The following ANK1 variants were observed in gnomAD, a reference collection of about 807,000 sequenced individuals.
ANK1 encodes the protein ankyrin 1.
In ANK1, 51 loss-of-function variants were observed where a neutral mutation model predicts 210.4. The ratio of observed to expected loss-of-function variants is 0.24; its 90% CI spans 0.19 to 0.31. ANK1 has a LOEUF of 0.31. ANK1 is among the 10% of genes least tolerant of loss of function. ANK1 has a pLI of 1.00. For synonymous variants in ANK1, 967 were observed against 1,025.9 expected (o/e 0.94, Z 1.10); for missense variants, 2,051 against 2,504.4 (o/e 0.82, Z 3.86).
chr8:41,785,948 C>T (rs562437742), intron 1 of ANK1, among the ~76,000 whole-genome samples: 25 of 152,328 alleles, frequency 1.6e-4, no homozygotes, highest in Middle Eastern at 3.4e-3. Context: ...CGGTACTCTC[C>T]GCCTGGGAAC....
At chr8:41,718,280 G>A in intron 10 of ANK1, 76 bp from the exon 11 acceptor site, 1 of 1,474,154 alleles carries the variant, frequency 6.8e-7, no homozygotes, top group Middle Eastern at 1.7e-4. Context: ...AGACCACCTG[G>A]CTGCTCTAAA....
At chr8:41,700,624 C>A (rs994586108) in intron 22 of ANK1, among the ~76,000 whole-genome samples, 3 of 152,194 alleles carry the variant, frequency 2.0e-5, no homozygotes, top group Non-Finnish European at 1.5e-5. Flanking sequence ...ATCCAGCCCA[C>A]CCCACTATTC....
intron 1 of ANK1, among the ~76,000 whole-genome samples, chr8:41,793,676 T>C (rs182797169): frequency 1.3e-5 from 2 of 152,330 alleles, no homozygotes; most frequent in Non-Finnish European, 2.9e-5. Flanking sequence ...CCGAGCTTTC[T>C]TGACAGCTCA....
intron 1 of ANK1, among the ~76,000 whole-genome samples, chr8:41,817,892 A>G (rs1803584438): frequency 6.6e-6 from 1 of 152,318 alleles, no homozygotes; most frequent in African/African-American, 2.4e-5. Flanking sequence ...ACTCCCAAAG[A>G]CAGCCACGGA....
chr8:41,772,655 A>G (rs115455271), intron 1 of ANK1, among the ~76,000 whole-genome samples: 2,049 of 152,292 alleles, frequency 0.013, 49 homozygotes, highest in African/African-American at 0.046. Context: ...TTCAATGCCC[A>G]TATTCTCTGC....
At chr8:41,660,572 G>T in intron 42 of ANK1, 1 of 456,696 alleles carries the variant, frequency 2.2e-6, no homozygotes, top group Non-Finnish European at 4.5e-6. Flanking sequence ...ACCTGCTGGA[G>T]ATGGTCGCAC....
chr8:41,725,705 C>T, intron 6 of ANK1, 56 bp downstream of exon 6: 2 of 1,573,074 alleles, frequency 1.3e-6, no homozygotes, highest in Non-Finnish European at 1.7e-6. Context: ...TGCGCGGTGC[C>T]CCCTGAGCCC....
chr8:41,765,123 T>TTC (rs914513254), intron 1 of ANK1, among the ~76,000 whole-genome samples: 3 of 151,602 alleles, frequency 2.0e-5, no homozygotes, highest in East Asian at 1.9e-4. Context: ...CCTTCTCTTT[T>TTC]TCTCTCTCTC....
At chr8:41,867,843 A>C (rs1249558997) in intron 1 of ANK1, among the ~76,000 whole-genome samples, 1 of 150,564 alleles carries the variant, frequency 6.6e-6, no homozygotes, top group East Asian at 2.0e-4. Flanking sequence ...ACAGTTAAAT[A>C]ATATTTCTAA....
chr8:41,727,913 A>G lies in ANK1; in HGVS notation c.322T>C (p.Ser108Pro), dbSNP rs1224927238. 6.2e-7 allele frequency: 1 copy of G among 1,614,166 alleles called. No individual in the cohort carries two copies. Among genetic ancestry groups the G allele is most frequent in the Non-Finnish European group, 8.5e-7 (1 of 1,180,014 alleles). Residue 108 changes from serine to proline, a missense_variant, in exon 4 of 43, where the codon TCA becomes CCA. By Grantham distance (74) the Ser-to-Pro change is moderately conservative. Coordinates refer to ENST00000289734, the MANE Select transcript of ANK1 (RefSeq NM_000037.4). ...VNYGANVNAQSQKGFTPLYMA... is the reference protein window; with the variant it reads ...VNYGANVNAQPQKGFTPLYMA... ...CCAGACCAGAGAGCCATTACCTGTG[A>G]CTGGGCGTTGACGTTGGCTCCATAG...
chr8:41,828,347 C>T (rs902751523), intron 1 of ANK1: 1 of 154,998 alleles, frequency 6.5e-6, no homozygotes, highest in Non-Finnish European at 1.5e-5. Flanking sequence ...GCGCCGCCTC[C>T]TTCAGCTTAG....
chr8:41,659,791 G>C (rs1411979351), intron 42 of ANK1, among the ~76,000 whole-genome samples: 2 of 145,368 alleles, frequency 1.4e-5, no homozygotes, highest in African/African-American at 5.1e-5. Context: ...CCGTGTTTCT[G>C]ACACCCATGC....
At chr8:41,696,966 C>T (rs1821213009) in intron 24 of ANK1, among the ~76,000 whole-genome samples, 193 bp from the exon 25 acceptor site, 1 of 152,200 alleles carries the variant, frequency 6.6e-6, no homozygotes, top group Non-Finnish European at 1.5e-5. Context: ...AGCTTCCTCC[C>T]ACCTCCATGC....
At chr8:41,684,454 G>A (rs1817074834) in intron 37 of ANK1, 90 bp downstream of exon 37, 1 of 1,571,482 alleles carries the variant, frequency 6.4e-7, no homozygotes, top group East Asian at 2.2e-5. Flanking sequence ...GGGCTTTGAG[G>A]GATGACGTAT....
intron 1 of ANK1, among the ~76,000 whole-genome samples, chr8:41,794,900 T>G (rs1269805602): frequency 6.6e-6 from 1 of 152,046 alleles, no homozygotes; most frequent in Non-Finnish European, 1.5e-5. Context: ...GAGGCGGGGT[T>G]TCACCATATT....
In ANK1 at chr8:41,895,365, C is replaced by T. The variant is rs550573923; in HGVS notation, c.126+990G>A. Among the ~76,000 whole-genome samples, 7 of 152,276 alleles carry T rather than the reference C, an allele frequency of 4.6e-5. No individual in the cohort carries two copies. In the East Asian group the frequency reaches 7.8e-4, roughly 17 times the overall value. On this transcript the variant is annotated intron_variant, in intron 1 of 42. Coordinates refer to the ANK1 transcript ENST00000265709. ...TCTCCGATTCCCAGAATTACACCCA[C>T]GTACTCTTGGCCTCCTCCGTGGCTC...
chr8:41,858,133 G>A (rs1812562553), intron 1 of ANK1, among the ~76,000 whole-genome samples: 1 of 152,094 alleles, frequency 6.6e-6, no homozygotes, highest in Non-Finnish European at 1.5e-5. Context: ...TCAGGAGGCT[G>A]CAGCTGGAGG....
chr8:41,765,639 G>A (rs560842080), intron 1 of ANK1, among the ~76,000 whole-genome samples: 15 of 152,280 alleles, frequency 9.9e-5, no homozygotes, highest in African/African-American at 3.6e-4. Flanking sequence ...CCCACGTCAG[G>A]AGAAAGGGAA....
At chr8:41,673,093 C>T (rs932963112) in intron 37 of ANK1, among the ~76,000 whole-genome samples, 181 bp from the exon 38 acceptor site, 1 of 152,134 alleles carries the variant, frequency 6.6e-6, no homozygotes, top group Non-Finnish European at 1.5e-5. Flanking sequence ...CTTGTGGCTG[C>T]TGCCTGGGCA....
Sources: allele counts gnomAD v4.1 joint callset (sites outside exome capture counted in the v4.1 genomes callset), GRCh38; gene constraint gnomAD v4.1.1; transcripts MANE v1.5; gene names NCBI Gene and HGNC (gene_info 2026-07-23, HGNC 2026-07-21).